ENOX1: variants seen among roughly 807,000 people sequenced by gnomAD.
The protein encoded by ENOX1 is ecto-NOX disulfide-thiol exchanger 1.
In ENOX1, 42 loss-of-function variants were observed where a neutral mutation model predicts 82.5. The ratio of observed to expected loss-of-function variants is 0.51; its 90% CI spans 0.40 to 0.66. ENOX1 has a LOEUF of 0.66. Ranked by LOEUF, ENOX1 falls within the 30% of genes least tolerant of loss-of-function variation. The pLI is 0.00. For synonymous variants in ENOX1, 271 were observed against 282.2 expected, an observed-to-expected ratio of 0.96 and a Z score of 0.40; for missense variants, 608 against 811.6, an observed-to-expected ratio of 0.75 and a Z score of 3.05.
intron 2 of ENOX1, among the ~76,000 whole-genome samples, chr13:43,666,971 G>C (rs547715023): frequency 6.6e-6 from 1 of 152,318 alleles, no homozygotes; most frequent in East Asian, 1.9e-4. Context: ...GAAAGAAACA[G>C]AAGCAATAAA....
chr13:43,661,474 A>G (rs759176883), intron 2 of ENOX1, among the ~76,000 whole-genome samples: 2 of 152,220 alleles, frequency 1.3e-5, no homozygotes, highest in Non-Finnish European at 2.9e-5. Context: ...AAGTACAATG[A>G]GCCCACAATT....
At chr13:43,375,670 G>C (rs1397498361) in intron 5 of ENOX1, among the ~76,000 whole-genome samples, 1 of 152,176 alleles carries the variant, frequency 6.6e-6, no homozygotes, top group Admixed American at 6.5e-5. Flanking sequence ...CTTCCTCAGT[G>C]AAAGTATCTA....
Position 43,236,657 on chromosome 13 carries a change from C to A in ENOX1, c.1693G>T (p.Glu565Ter). The change falls in exon 15 of 17, where the codon GAG (glutamate) becomes TAG (stop). Residue 565 changes from glutamate (E) to a stop codon, truncating the protein, a stop_gained. Transcript: ENST00000690772. LOFTEE classifies it high-confidence loss of function. Reference protein sequence around the residue: ...IEKRSQGLKSEKEALLIGIIS... With the variant: ...IEKRSQGLKS ...TTACCTATTAGCAGAGCTTCTTTCT[C>A]TGATTTTAAGCCTTGGCTTCTTTTC... 1.3e-6 allele frequency: 2 copies of A among 1,582,766 alleles called. No individual in the cohort carries two copies. Among genetic ancestry groups the A allele is most frequent in the South Asian group, 2.4e-5 (2 of 83,832 alleles).
In ENOX1 at chr13:43,262,255, A is replaced by AACAT. The variant is rs1345495586; in HGVS notation, c.1611+3139_1611+3142dup. On this transcript the variant is annotated intron_variant, in intron 14 of 16. Coordinates refer to ENST00000690772, the MANE Select transcript of ENOX1 (RefSeq NM_001347969.2). ...TTCTTTCTATAATTTGCAAGCTTCA[A>AACAT]ACATACTTTTGCTTTTTACTTTTAT... 3.9e-5 allele frequency among the ~76,000 whole-genome samples: 6 copies of AACAT among 152,242 alleles called. No individual in the cohort carries two copies. In the East Asian group the frequency reaches 1.2e-3, roughly 29 times the overall value.
In ENOX1 at chr13:43,247,883, A is replaced by ATT. The variant is rs869265102; in HGVS notation, c.1612-11147_1612-11146dup. ...TATATATATATATATATATATATATATTTTTTTTTTTTTTTTTTTTGAGAC... is the reference window on the plus strand; with the variant it reads ...TATATATATATATATATATATATATATTTTTTTTTTTTTTTTTTTTTTGAGAC... On this transcript the variant is annotated intron_variant, in intron 14 of 16. Transcript: ENST00000690772. Among the ~76,000 whole-genome samples, 30 of 14,648 alleles carry ATT rather than the reference A, an allele frequency of 2.0e-3. 3 individuals carry two copies. The highest frequency in any genetic ancestry group is 3.4e-3 in the African/African-American group (24 of 7,124). The allele number at this position is 14,648 out of a possible 152,430, so 9.6% of individuals were successfully genotyped here.
Position 43,786,581 on chromosome 13 carries a change from G to C in ENOX1, c.-285+71C>G, listed in dbSNP as rs1257296069. Reference sequence around the variant, plus strand: ...AGTCTAGATCCAGGTGCCGTGGCGGGGGTGAGACCAGAGGACCCCGGCTCG... The same window carrying C: ...AGTCTAGATCCAGGTGCCGTGGCGGCGGTGAGACCAGAGGACCCCGGCTCG... On this transcript the variant is annotated intron_variant, in intron 1 of 16. Coordinates refer to ENST00000690772, the MANE Select transcript of ENOX1 (RefSeq NM_001347969.2). The surrounding 1 kb of genome is among the most constrained non-coding windows in gnomAD (Gnocchi z 6.0). The C allele has an allele frequency of 1.3e-5, 2 of 152,166 alleles. No homozygotes were observed. Among genetic ancestry groups the C allele is most frequent in the Admixed American group, 6.5e-5 (1 of 15,284 alleles). The allele number at this position is 152,166 out of a possible 1,614,324, so 9.4% of individuals were successfully genotyped here.
At chr13:43,330,344 CCA>C (rs956930122) in intron 9 of ENOX1, among the ~76,000 whole-genome samples, 2 of 152,198 alleles carry the variant, frequency 1.3e-5, no homozygotes, top group African/African-American at 4.8e-5. Context: ...CCTCAGTGGT[CCA>C]CAGAGTGGTG....
At chr13:43,625,347 C>T (rs899423763) in intron 2 of ENOX1, among the ~76,000 whole-genome samples, 1 of 151,812 alleles carries the variant, frequency 6.6e-6, no homozygotes, top group African/African-American at 2.4e-5. Flanking sequence ...GCTTTTTGCT[C>T]CTTTTCTTGC....
At chr13:43,416,208 T>TCCTCACTTCCCAGATGATGGGTGGCC (rs2054519786) in intron 3 of ENOX1, among the ~76,000 whole-genome samples, 3 of 59,040 alleles carry the variant, frequency 5.1e-5, no homozygotes, top group African/African-American at 8.6e-5. Flanking sequence ...ACGGGGCGGC[T>TCCTCACTTCCCAGATGATGGGTGGCC]GGGCAGAGGC....
rs545811654 is a variant in ENOX1 at position 43,261,594 on chromosome 13, G to A, written c.1611+3804C>T. The stretch of plus-strand genomic sequence containing the variant: ...TCTTTGACTTGGAACCAACCCAAAT[G>A]TCCAACAACGATAGACTGGATTAAG... On this transcript the variant is annotated intron_variant, in intron 14 of 16. Coordinates refer to ENST00000690772, the MANE Select transcript of ENOX1 (RefSeq NM_001347969.2). Among the ~76,000 whole-genome samples, 262 of 151,864 alleles carry A rather than the reference G, an allele frequency of 1.7e-3. 1 individual carries two copies. Among genetic ancestry groups the A allele is most frequent in the African/African-American group, 6.1e-3 (254 of 41,366 alleles).
chr13:43,511,123 G>GT (rs2077352593), intron 2 of ENOX1, among the ~76,000 whole-genome samples: 1 of 152,122 alleles, frequency 6.6e-6, no homozygotes, highest in Non-Finnish European at 1.5e-5. Context: ...TAAGTTATGT[G>GT]TTTTGGATAA....
chr13:43,572,758 A>G (rs940444645), intron 2 of ENOX1, among the ~76,000 whole-genome samples: 4 of 152,202 alleles, frequency 2.6e-5, no homozygotes, highest in Non-Finnish European at 5.9e-5. Context: ...CATTGTGGCA[A>G]TTGTGATTCA....
At chr13:43,553,715 T>C (rs1443757581) in intron 2 of ENOX1, among the ~76,000 whole-genome samples, 1 of 152,202 alleles carries the variant, frequency 6.6e-6, no homozygotes, top group Admixed American at 6.5e-5. Flanking sequence ...TCCATTCTAG[T>C]CCTAGAGTAT....
intron 1 of ENOX1, among the ~76,000 whole-genome samples, chr13:43,770,951 C>T (rs1951559838): frequency 6.6e-6 from 1 of 151,514 alleles, no homozygotes; most frequent in Admixed American, 6.6e-5. Context: ...AACTTGTGTT[C>T]CAGGAGAAAA....
chr13:43,775,000 A>G (rs937006193), intron 1 of ENOX1, among the ~76,000 whole-genome samples: 3 of 152,022 alleles, frequency 2.0e-5, no homozygotes, highest in African/African-American at 7.2e-5. Context: ...GGTGCCTGCC[A>G]TCATGCCCAG....
chr13:43,432,027 C>A (rs1205922612), intron 3 of ENOX1, among the ~76,000 whole-genome samples: 1 of 152,146 alleles, frequency 6.6e-6, no homozygotes, highest in East Asian at 1.9e-4. Flanking sequence ...CCTGTTTATT[C>A]CACCTTGCCT....
intron 12 of ENOX1, among the ~76,000 whole-genome samples, chr13:43,273,459 G>A (rs1476955371): frequency 6.6e-6 from 1 of 152,108 alleles, no homozygotes; most frequent in African/African-American, 2.4e-5. Flanking sequence ...CCCCAGACAT[G>A]CCAGCTGCTT....
chr13:43,220,620 C>T (rs2041736123), intron 16 of ENOX1, among the ~76,000 whole-genome samples: 1 of 152,160 alleles, frequency 6.6e-6, no homozygotes, highest in Admixed American at 6.5e-5. Flanking sequence ...TCATTAGGTC[C>T]CTGGTAACCT....
At chr13:43,360,502 A>G (rs956837955) in intron 6 of ENOX1, among the ~76,000 whole-genome samples, 2 of 152,026 alleles carry the variant, frequency 1.3e-5, no homozygotes, top group Non-Finnish European at 2.9e-5. Flanking sequence ...AGCACGCACA[A>G]TACTTACTTG....
Sources: gnomAD v4.1 joint callset for allele counts (sites outside exome capture counted in the v4.1 genomes callset) on GRCh38, gnomAD v4.1.1 for gene constraint, Gnocchi (gnomAD v3.1) non-coding constraint, MANE v1.5 for transcripts, NCBI Gene and HGNC (gene_info 2026-07-23, HGNC 2026-07-21) for gene names.